LYPD6B: variants seen among roughly 807,000 people sequenced by gnomAD.
The protein encoded by LYPD6B is ly6/PLAUR domain-containing protein 6B.
In LYPD6B, 17 loss-of-function variants were observed where a neutral mutation model predicts 22.8. The observed-to-expected ratio is 0.75, with a 90% CI of 0.51 to 1.12. The LOEUF is 1.12. LYPD6B is among the 50% of genes most tolerant of loss of function. LYPD6B has a pLI of 0.00. For missense variants in LYPD6B, 221 were observed against 258.3 expected (o/e 0.86, Z 0.99); for synonymous variants, 106 against 91.6 (o/e 1.16, Z -0.90).
chr2:149,156,725 A>G (rs1689725089), intron 2 of LYPD6B, among the ~76,000 whole-genome samples: 1 of 152,156 alleles, frequency 6.6e-6, no homozygotes, highest in African/African-American at 2.4e-5. Context: ...GACTCTCCAG[A>G]TACATCACAT....
chr2:149,068,652 C>A (rs757829419), intron 1 of LYPD6B: 2 of 527,332 alleles, frequency 3.8e-6, no homozygotes, highest in Non-Finnish European at 7.7e-6. Context: ...CCAGAAAATT[C>A]ACCTACCTTT....
At chr2:149,145,116 C>T (rs1688936940) in intron 2 of LYPD6B, among the ~76,000 whole-genome samples, 1 of 152,136 alleles carries the variant, frequency 6.6e-6, no homozygotes. Context: ...TTGAGAAACA[C>T]AGTTTTAAAT....
intron 1 of LYPD6B, among the ~76,000 whole-genome samples, chr2:149,062,855 A>G (rs924297246): frequency 2.2e-5 from 3 of 134,178 alleles, no homozygotes; most frequent in South Asian, 2.4e-4. Flanking sequence ...TCAGTGATAC[A>G]TGTTCTTTTT....
At chr2:149,211,671 A>G (rs1402805619) in intron 5 of LYPD6B, among the ~76,000 whole-genome samples, 1 of 152,018 alleles carries the variant, frequency 6.6e-6, no homozygotes, top group African/African-American at 2.4e-5. Flanking sequence ...AAGATCTACC[A>G]TGACTTGCTC....
At chr2:149,116,648 G>A (rs1038165163) in intron 1 of LYPD6B, among the ~76,000 whole-genome samples, 1 of 152,132 alleles carries the variant, frequency 6.6e-6, no homozygotes, top group Non-Finnish European at 1.5e-5. Flanking sequence ...TGTATTAGCA[G>A]TTATGACATG....
chr2:149,205,430 G>A (rs767123048), intron 4 of LYPD6B, 26 bp downstream of exon 4: 1 of 1,610,724 alleles, frequency 6.2e-7, no homozygotes, highest in Non-Finnish European at 8.5e-7. Flanking sequence ...TGCCATCCTA[G>A]TTCATGGCTG....
At chr2:149,147,583 A>T (rs1689104724) in intron 2 of LYPD6B, among the ~76,000 whole-genome samples, 1 of 152,062 alleles carries the variant, frequency 6.6e-6, no homozygotes, top group South Asian at 2.1e-4. Context: ...GCACAGTTTC[A>T]GTTCACTGCA....
chr2:149,092,060 G>T (rs2105444155), intron 1 of LYPD6B, among the ~76,000 whole-genome samples: 1 of 152,152 alleles, frequency 6.6e-6, no homozygotes, highest in South Asian at 2.1e-4. Flanking sequence ...GAGAGAGGGA[G>T]AGAGTACAAG....
At chr2:149,180,457 GGT>G (rs1337769582) in intron 3 of LYPD6B, among the ~76,000 whole-genome samples, 1 of 152,160 alleles carries the variant, frequency 6.6e-6, no homozygotes, top group East Asian at 1.9e-4. Context: ...TTTTGTTGGT[GGT>G]GGTGGAGGTG....
intron 3 of LYPD6B, among the ~76,000 whole-genome samples, chr2:149,191,072 G>T (rs1559067525): frequency 6.6e-6 from 1 of 151,956 alleles, no homozygotes; most frequent in South Asian, 2.1e-4. Flanking sequence ...TAGTACAATA[G>T]ACCCCAGCTA....
At chr2:149,166,447 C>A (rs975410440) in intron 3 of LYPD6B, among the ~76,000 whole-genome samples, 1 of 152,096 alleles carries the variant, frequency 6.6e-6, no homozygotes, top group Non-Finnish European at 1.5e-5. Flanking sequence ...AAATTAGGGA[C>A]CCTTTCTGTT....
At chr2:149,070,171 C>G (rs1287621132) in intron 1 of LYPD6B, among the ~76,000 whole-genome samples, 1 of 152,044 alleles carries the variant, frequency 6.6e-6, no homozygotes, top group Non-Finnish European at 1.5e-5. Context: ...CAGGCTTCAC[C>G]ACACTGGCCT....
At chr2:149,179,746 C>T (rs2105980712) in intron 3 of LYPD6B, among the ~76,000 whole-genome samples, 1 of 152,348 alleles carries the variant, frequency 6.6e-6, no homozygotes, top group Admixed American at 6.5e-5. Context: ...TGACGTGCCG[C>T]CCTGCCAGCG....
At chr2:149,119,295 A>G (rs1687162862) in intron 1 of LYPD6B, 1 of 152,264 alleles carries the variant, frequency 6.6e-6, no homozygotes, top group African/African-American at 2.4e-5. Context: ...CTCTGCTGAA[A>G]TGTACAATTT....
intron 1 of LYPD6B, among the ~76,000 whole-genome samples, chr2:149,100,416 CAAAAAA>C (rs58068035): frequency 4.4e-5 from 3 of 67,964 alleles, no homozygotes; most frequent in Admixed American, 2.3e-4. Flanking sequence ...TTGGCTTTGA[CAAAAAA>C]AAAAAAAAAA....
intron 1 of LYPD6B, among the ~76,000 whole-genome samples, chr2:149,121,253 T>C (rs1212863655): frequency 2.6e-5 from 4 of 152,224 alleles, no homozygotes; most frequent in African/African-American, 9.7e-5. Context: ...TTTTATTTCC[T>C]AAGGTATTGT....
chr2:149,050,439 G>A (rs1683498732), intron 1 of LYPD6B, among the ~76,000 whole-genome samples: 1 of 152,080 alleles, frequency 6.6e-6, no homozygotes, highest in Non-Finnish European at 1.5e-5. Flanking sequence ...TTACATCATT[G>A]GTATCGTGTT....
intron 1 of LYPD6B, among the ~76,000 whole-genome samples, chr2:149,093,887 T>C (rs1685782600): frequency 1.3e-5 from 2 of 152,244 alleles, no homozygotes; most frequent in African/African-American, 4.8e-5. Flanking sequence ...ATGCATTCGC[T>C]TCTTCATCTG....
intron 1 of LYPD6B, among the ~76,000 whole-genome samples, chr2:149,068,342 A>G (rs1362008426): frequency 1.3e-5 from 2 of 152,318 alleles, no homozygotes; most frequent in Non-Finnish European, 2.9e-5. Context: ...TTGTTCCAAG[A>G]GTAATTGATA....
Sources: allele counts gnomAD v4.1 joint callset (sites outside exome capture counted in the v4.1 genomes callset), GRCh38; gene constraint gnomAD v4.1.1; transcripts MANE v1.5; gene names NCBI Gene and HGNC (gene_info 2026-07-23, HGNC 2026-07-21).